CCDC74B: variants seen among roughly 807,000 people sequenced by gnomAD.
CCDC74B encodes coiled-coil domain-containing protein 74B.
In CCDC74B, 34 loss-of-function variants were observed where a neutral mutation model predicts 38.0. That is an observed-to-expected ratio of 0.89 (90% CI 0.68 to 1.19). CCDC74B has a LOEUF of 1.19. Ranked by LOEUF, CCDC74B falls within the 50% of genes most tolerant of loss-of-function variation. The pLI, the probability that CCDC74B is intolerant of heterozygous loss-of-function variation, is 0.00. For synonymous variants in CCDC74B, 132 were observed against 170.4 expected, an observed-to-expected ratio of 0.77 and a Z score of 1.76; for missense variants, 358 against 406.0, an observed-to-expected ratio of 0.88 and a Z score of 1.02.
At chr2:130,143,544 A>G (rs1206292691) in intron 1 of CCDC74B, among the ~76,000 whole-genome samples, 2 of 152,154 alleles carry the variant, frequency 1.3e-5, no homozygotes, top group Admixed American at 1.3e-4. Context: ...TATCAGCCTC[A>G]TCCATCTGAG....
In CCDC74B at chr2:130,142,158, C is replaced by T. The variant is rs1203689789; in HGVS notation, c.321G>A (p.Gln107=). ...CTGAATTAGAGATGGACTTGACAGA[C>T]TGGAAGCTTGACGTGGAGAGGCTGT... ...KKDSLSTSSF[Q]SVKSISNSGK... The change falls in exon 3 of 8, where the codon CAG becomes CAA. Residue 107 remains glutamine, a synonymous_variant. Transcript: ENST00000409943. 6.2e-7 allele frequency: 1 copy of T among 1,613,748 alleles called. No individual in the cohort carries two copies. The highest frequency in any genetic ancestry group is 1.1e-5 in the South Asian group (1 of 91,078).
At chr2:130,140,133 G>T in intron 5 of CCDC74B, 37 bp from the exon 6 acceptor site, 1 of 1,612,364 alleles carries the variant, frequency 6.2e-7, no homozygotes, top group African/African-American at 1.3e-5. Context: ...GGGGCCTGTG[G>T]CGGTGCCAGA....
At position 130,140,242 on chromosome 2, in the gene CCDC74B, T is replaced by TGG. The variant is rs1685513634; in HGVS notation, c.614_615insCC (p.Leu206HisfsTer69). 6.2e-7 allele frequency: 1 copy of TGG among 1,613,206 alleles called. No homozygotes were observed. The highest frequency in any genetic ancestry group is 8.5e-7 in the Non-Finnish European group (1 of 1,179,702). On this transcript the variant is annotated frameshift_variant, in exon 5 of 8. Coordinates refer to ENST00000409943, the MANE Select transcript of CCDC74B (RefSeq NM_001258307.2). LOFTEE classifies it high-confidence loss of function. The stretch of plus-strand genomic sequence containing the variant: ...GGATGAGCACTTCGCACTGCCTAAG[T>TGG]GTGGTGGGCTTTCGCAGGGGAAGGG...
In CCDC74B at chr2:130,140,215, G is replaced by A. The variant is rs765916236; in HGVS notation, c.642C>T (p.Arg214=). The A allele has an allele frequency of 6.2e-6, 10 of 1,613,186 alleles. No individual in the cohort carries two copies. The highest frequency in any genetic ancestry group is 3.3e-5 in the Admixed American group (2 of 59,960). The change falls in exon 5 of 8, where the codon CGC becomes CGT. Residue 214 remains arginine, a synonymous_variant. Transcript: ENST00000409943. ...GCAGGAGGTTGGTATTCCACAGCTCGCGGATGAGCACTTCGCACTGCCTAA... is the reference window on the plus strand; with the variant it reads ...GCAGGAGGTTGGTATTCCACAGCTCACGGATGAGCACTTCGCACTGCCTAA... ...TTLRQCEVLI[R]ELWNTNLLQT...
intron 3 of CCDC74B, chr2:130,141,705 G>A: frequency 2.7e-6 from 1 of 365,902 alleles, no homozygotes; most frequent in South Asian, 3.4e-5. Context: ...GGGAAAAGAG[G>A]CTCTCTGCTC....
Position 130,144,821 on chromosome 2 carries a change from A to T in CCDC74B, c.176T>A (p.Phe59Tyr), listed in dbSNP as rs763743118. The T allele has an allele frequency of 6.2e-7, 1 of 1,613,306 alleles. No homozygotes were observed. Among genetic ancestry groups the T allele is most frequent in the African/African-American group, 1.3e-5 (1 of 74,510 alleles). Reference protein sequence around the residue: ...RNLDLEKSLQFLQQQHSEMLA... With the variant: ...RNLDLEKSLQYLQQQHSEMLA... ...CATCTCCGAGTGCTGCTGCTGCAGG[A>T]ACTGTAGGCTCTTCTCCAGGTCCAG... The change falls in exon 1 of 8, where the codon TTC (phenylalanine) becomes TAC (tyrosine). Residue 59 changes from phenylalanine (F) to tyrosine (Y), a missense_variant. By Grantham distance (22) the Phe-to-Tyr change is conservative. Transcript: ENST00000409943.
intron 6 of CCDC74B, 35 bp downstream of exon 6, chr2:130,139,988 C>T (rs1242237880): frequency 6.2e-7 from 1 of 1,600,588 alleles, no homozygotes; most frequent in Non-Finnish European, 8.5e-7. Flanking sequence ...TGGATAGGCC[C>T]CCAGGGATGG....
chr2:130,144,782 T>A lies in CCDC74B; in HGVS notation c.215A>T (p.His72Leu), dbSNP rs963179804. The change falls in exon 1 of 8, where the codon CAT becomes CTT. Residue 72 changes from histidine to leucine, a missense_variant. By Grantham distance (99) the His-to-Leu change is moderately conservative. Coordinates refer to ENST00000409943, the MANE Select transcript of CCDC74B (RefSeq NM_001258307.2). ...CCGCTTCAGATGCTCGATCTCCTCA[T>A]GGAGCTTGGCCAGCATCTCCGAGTG... The part of the protein sequence containing the change: ...QQHSEMLAKL[H>L]EEIEHLKREN... The A allele has an allele frequency of 6.2e-7, 1 of 1,613,412 alleles. No individual in the cohort carries two copies. Among genetic ancestry groups the A allele is most frequent in the Non-Finnish European group, 8.5e-7 (1 of 1,179,770 alleles).
intron 1 of CCDC74B, 181 bp downstream of exon 1, chr2:130,144,566 A>G: frequency 6.5e-7 from 1 of 1,550,308 alleles, no homozygotes; most frequent in East Asian, 2.4e-5. Context: ...CCCGGGGGCC[A>G]CGCGGGTCTC....
At chr2:130,144,503 T>C (rs1436470718) in intron 1 of CCDC74B, 7 of 1,546,036 alleles carry the variant, frequency 4.5e-6, no homozygotes, top group Non-Finnish European at 5.2e-6. Flanking sequence ...ACTGGCGGAG[T>C]CAGCATCTGA....
intron 2 of CCDC74B, 144 bp downstream of exon 2, chr2:130,143,125 C>T (rs576013893): frequency 2.8e-5 from 42 of 1,516,176 alleles, no homozygotes; most frequent in Middle Eastern, 3.5e-4. Context: ...CTAGAGGTAG[C>T]GGCATCTGTC....
chr2:130,139,569 G>T lies in CCDC74B; in HGVS notation c.931C>A (p.Arg311Ser). 2 of 1,613,446 alleles carry T rather than the reference G, an allele frequency of 1.2e-6. No individual in the cohort carries two copies. Among genetic ancestry groups the T allele is most frequent in the Non-Finnish European group, 1.7e-6 (2 of 1,180,024 alleles). Residue 311 changes from arginine to serine, a missense_variant, in exon 8 of 8, where the codon CGC becomes AGC. Physicochemically the swap from Arg to Ser is moderately radical, Grantham distance 110. Around this residue, in one of 3 missense-constraint regions of CCDC74B, gnomAD observed 213 missense variants for 212.3 expected, o/e 1.00. Coordinates refer to ENST00000409943, the MANE Select transcript of CCDC74B (RefSeq NM_001258307.2). ...ATGCGGGTAGCTCAAAGCACCGAGC[G>T]ATGCAGGCGCCGTTTCTGCATTGCC... ...LQAMQKRRLH[R>S]SVL
chr2:130,145,023 T>C lies in CCDC74B; in HGVS notation c.-27A>G. On this transcript the variant is annotated 5_prime_UTR_variant, in exon 1 of 8. Transcript: ENST00000409943. ...TCGCCATCGCCAGGTACTCTCCCGC[T>C]GCCACTGCACCCCGGCTCAGTGGCC... The C allele has an allele frequency of 7.1e-7, 1 of 1,411,202 alleles. No homozygotes were observed. The highest frequency in any genetic ancestry group is 1.5e-5 in the South Asian group (1 of 65,738). The allele number at this position is 1,411,202 out of a possible 1,614,324, so 87.4% of individuals were successfully genotyped here. A position where few individuals can be genotyped will look rare whatever the true frequency, so the allele number is the denominator to read the frequency against.
intron 1 of CCDC74B, 187 bp downstream of exon 1, chr2:130,144,560 G>C (rs1454814425): frequency 6.5e-7 from 1 of 1,550,216 alleles, no homozygotes; most frequent in Non-Finnish European, 8.7e-7. Flanking sequence ...GCACTGCCCG[G>C]GGGCCACGCG....
chr2:130,139,629 T>C lies in CCDC74B; in HGVS notation c.871A>G (p.Lys291Glu), dbSNP rs139278006. 2.5e-4 allele frequency: 401 copies of C among 1,613,388 alleles called. 2 individuals are homozygous for C. The African/African-American group carries it at 4.9e-3, about 20-fold the overall frequency. Residue 291 changes from lysine to glutamate, a missense_variant, in exon 8 of 8, where the codon AAG (lysine) becomes GAG (glutamate). Lys to Glu is a moderately conservative substitution (Grantham distance 56, BLOSUM62 1). Coordinates refer to ENST00000409943, the MANE Select transcript of CCDC74B (RefSeq NM_001258307.2). ...TTCTGCCTCTCGGCAAAGTTGTTCT[T>C]CGGGGTCTGCTTCAGTGCGGGCAGG... is the stretch of plus-strand genomic sequence containing the variant. ...AILPALKQTP[K>E]NNFAERQKRL...
chr2:130,139,291 A>G lies in CCDC74B; in HGVS notation c.*264T>C. The G allele has an allele frequency of 2.1e-6, 1 of 482,750 alleles. No homozygotes were observed. The highest frequency in any genetic ancestry group is 2.5e-5 in the South Asian group (1 of 39,278). 29.9% of individuals were successfully genotyped at this position (482,750 alleles called of 1,614,324 possible). A position where few individuals can be genotyped will look rare whatever the true frequency, so the allele number is the denominator to read the frequency against. On this transcript the variant is annotated 3_prime_UTR_variant, in exon 8 of 8. Coordinates refer to ENST00000409943, the MANE Select transcript of CCDC74B (RefSeq NM_001258307.2). The stretch of plus-strand genomic sequence containing the variant: ...GTGAGGAGCCAGGCACACAACTTGG[A>G]AATAAACAAGCTTTATTTTCAGTTT...
At chr2:130,140,135 G>A (rs746976764) in intron 5 of CCDC74B, 39 bp from the exon 6 acceptor site, 19 of 1,612,248 alleles carry the variant, frequency 1.2e-5, no homozygotes, top group African/African-American at 5.3e-5. Context: ...GGCCTGTGGC[G>A]GTGCCAGACT....
chr2:130,142,365 G>A lies in CCDC74B; in HGVS notation c.296-182C>T, dbSNP rs1341125565. On this transcript the variant is annotated intron_variant, in intron 2 of 7. Coordinates refer to ENST00000409943, the MANE Select transcript of CCDC74B (RefSeq NM_001258307.2). ...AGGGAGCAGAGGCCCTGGAAAGGTGGTTTCCTGAGGGGCCATCTGGAAAGC... is the reference window on the plus strand; with the variant it reads ...AGGGAGCAGAGGCCCTGGAAAGGTGATTTCCTGAGGGGCCATCTGGAAAGC... The A allele has an allele frequency of 3.7e-6, 6 of 1,613,304 alleles. No individual in the cohort carries two copies. The African/African-American group carries it at 4.0e-5, about 11-fold the overall frequency.
At position 130,139,917 on chromosome 2, in the gene CCDC74B, G is replaced by C. The variant is rs758911313; in HGVS notation, c.783C>G (p.Val261=). The C allele has an allele frequency of 3.7e-6, 6 of 1,612,360 alleles. No homozygotes were observed. The highest frequency in any genetic ancestry group is 1.7e-5 in the Admixed American group (1 of 59,842). ...RDQEATHFPK[V]STKSLSKKCL... ...ATTTCTTGGAGAGGCTCTTGGTGGA[G>C]ACCTTGGGGAAATGCGTGGCTTCTT... Residue 261 remains valine (V), a synonymous_variant, in exon 7 of 8, where the codon GTC becomes GTG. Transcript: ENST00000409943.
Sources: allele counts gnomAD v4.1 joint callset (sites outside exome capture counted in the v4.1 genomes callset), GRCh38; gene constraint gnomAD v4.1.1; regional missense constraint gnomAD v4.1.1; transcripts MANE v1.5; gene names NCBI Gene and HGNC (gene_info 2026-07-23, HGNC 2026-07-21).